Variants in LRRK2 observed in about 807,000 individuals in gnomAD.
LRRK2 encodes leucine rich repeat kinase 2.
In LRRK2, 203 loss-of-function variants were observed where a neutral mutation model predicts 302.6. The observed-to-expected ratio is 0.67, with a 90% CI of 0.60 to 0.75. LRRK2 has a LOEUF of 0.75. Among genes scored for constraint, LRRK2 ranks in the 30% least tolerant of loss-of-function variants. LRRK2 has a pLI of 0.00. For missense variants in LRRK2, 2,830 were observed against 2,951.0 expected, an observed-to-expected ratio of 0.96 and a Z score of 0.95; for synonymous variants, 1,066 against 1,031.9, an observed-to-expected ratio of 1.03 and a Z score of -0.63.
At chr12:40,344,293 C>A (rs1946131018) in intron 41 of LRRK2, among the ~76,000 whole-genome samples, 1 of 152,212 alleles carries the variant, frequency 6.6e-6, no homozygotes, top group East Asian at 1.9e-4. Flanking sequence ...ATATGCTGAA[C>A]ATTTAAATAG....
chr12:40,270,371 G>A (rs1187713484), intron 14 of LRRK2, among the ~76,000 whole-genome samples: 1 of 152,034 alleles, frequency 6.6e-6, no homozygotes, highest in African/African-American at 2.4e-5. Context: ...TTATTTGGAA[G>A]CAGTCTTCAT....
At chr12:40,309,815 A>G (rs1401127508) in intron 30 of LRRK2, among the ~76,000 whole-genome samples, 1 of 152,214 alleles carries the variant, frequency 6.6e-6, no homozygotes, top group Non-Finnish European at 1.5e-5. Context: ...TCTTCTGTGC[A>G]TAAAGTCCTT....
chr12:40,227,179 C>CT (rs1940938339), intron 2 of LRRK2, among the ~76,000 whole-genome samples: 1 of 151,944 alleles, frequency 6.6e-6, no homozygotes, highest in South Asian at 2.1e-4. Context: ...TAATTAATTA[C>CT]TTTTTTGGAT....
chr12:40,321,276 G>A (rs1170892950), intron 35 of LRRK2, 88 bp downstream of exon 35: 3 of 1,233,888 alleles, frequency 2.4e-6, no homozygotes, highest in Non-Finnish European at 3.4e-6. Context: ...GATGGCATAT[G>A]AAAAGTAATA....
chr12:40,264,984 G>A (rs747460040), intron 14 of LRRK2, among the ~76,000 whole-genome samples: 2 of 152,076 alleles, frequency 1.3e-5, no homozygotes, highest in African/African-American at 2.4e-5. Flanking sequence ...ATAATTAATG[G>A]AAATGATTCC....
Position 40,225,129 on chromosome 12 carries a change from A to G in LRRK2, c.-3A>G. The G allele has an allele frequency of 6.2e-7, 1 of 1,613,804 alleles. No homozygotes were observed. The highest frequency in any genetic ancestry group is 8.5e-7 in the Non-Finnish European group (1 of 1,179,982). On this transcript the variant is annotated 5_prime_UTR_variant, in exon 1 of 51. Transcript: ENST00000298910. ...GGGCGGCGGGTTGGAAGCAGGTGCC[A>G]CCATGGCTAGTGGCAGCTGTCAGGG...
At chr12:40,321,470 A>G (rs1280784142) in intron 35 of LRRK2, among the ~76,000 whole-genome samples, 1 of 151,572 alleles carries the variant, frequency 6.6e-6, no homozygotes, top group African/African-American at 2.4e-5. Context: ...AGGGACTGTA[A>G]TTATCTCTTT....
chr12:40,295,748 G>GACTTA, intron 23 of LRRK2, 104 bp downstream of exon 23: 1 of 1,097,156 alleles, frequency 9.1e-7, no homozygotes. Context: ...CTACTTTTGT[G>GACTTA]TCACTGGGTG....
intron 46 of LRRK2, among the ~76,000 whole-genome samples, chr12:40,356,517 G>A (rs1946544759): frequency 6.6e-6 from 1 of 152,088 alleles, no homozygotes; most frequent in African/African-American, 2.4e-5. Flanking sequence ...ATATACTTAA[G>A]TTTTAAATAT....
At chr12:40,364,192 T>C (rs1336126489) in intron 48 of LRRK2, among the ~76,000 whole-genome samples, 1 of 152,024 alleles carries the variant, frequency 6.6e-6, no homozygotes, top group Non-Finnish European at 1.5e-5. Flanking sequence ...CATTTTAGAT[T>C]ACACACTATA....
intron 18 of LRRK2, among the ~76,000 whole-genome samples, chr12:40,279,687 A>G (rs1223888099): frequency 1.3e-5 from 2 of 152,352 alleles, no homozygotes; most frequent in African/African-American, 4.8e-5. Flanking sequence ...CTTTCAATTT[A>G]TCCAAATCTT....
rs868622770 is a variant in LRRK2, at chr12:40,299,173, A to G, written c.3412A>G (p.Lys1138Glu). The G allele has an allele frequency of 1.9e-6, 3 of 1,613,620 alleles. No homozygotes were observed. The African/African-American group carries it at 4.0e-5, about 22-fold the overall frequency. ...LKELKILNLS[K>E]NHISSLSENF... is the part of the protein sequence containing the mutation. ...GGAACTGAAGATTTTAAACCTTAGT[A>G]AGAACCACATTTCATCCCTATCAGA... The change falls in exon 25 of 51, where the codon AAG (lysine) becomes GAG (glutamate). Residue 1138 changes from lysine to glutamate, a missense_variant. Transcript: ENST00000298910.
intron 2 of LRRK2, among the ~76,000 whole-genome samples, chr12:40,227,279 C>T (rs1357463287): frequency 1.3e-5 from 2 of 152,092 alleles, no homozygotes; most frequent in African/African-American, 4.8e-5. Flanking sequence ...ACTGGAATAT[C>T]CGTCACCTCG....
chr12:40,277,359 C>T (rs533997391), intron 16 of LRRK2, among the ~76,000 whole-genome samples: 4 of 152,264 alleles, frequency 2.6e-5, no homozygotes, highest in Non-Finnish European at 5.9e-5. Flanking sequence ...GCCCTCAGCG[C>T]TTCTCAACTA....
Position 40,313,968 on chromosome 12 carries a change from A to G in LRRK2, c.4537-4A>G, listed in dbSNP as rs1336113411. 1.2e-6 allele frequency: 2 copies of G among 1,609,784 alleles called. No individual in the cohort carries two copies. The highest frequency in any genetic ancestry group is 1.1e-5 in the South Asian group (1 of 90,964). ...TTTACGGCTTGTCATTTGTAATTTC[A>G]TAGATCCGAGATCAGCTTGTTGTTG... On this transcript the variant is annotated splice_region_variant and splice_polypyrimidine_tract_variant and intron_variant, in intron 31 of 50. Coordinates refer to ENST00000298910, the MANE Select transcript of LRRK2 (RefSeq NM_198578.4).
chr12:40,264,291 A>G (rs1425063465), intron 14 of LRRK2, among the ~76,000 whole-genome samples: 1 of 151,988 alleles, frequency 6.6e-6, no homozygotes, highest in Non-Finnish European at 1.5e-5. Flanking sequence ...GTCTCATAGT[A>G]TATGGTTTAG....
At chr12:40,280,973 C>T (rs1257543386) in intron 18 of LRRK2, among the ~76,000 whole-genome samples, 1 of 150,738 alleles carries the variant, frequency 6.6e-6, no homozygotes, top group African/African-American at 2.4e-5. Flanking sequence ...GAGGCTGAGG[C>T]AGGAGAATGG....
chr12:40,263,890 G>T lies in LRRK2; in HGVS notation c.1645G>T (p.Ala549Ser). Reference sequence around the variant, plus strand: ...TGATATTCACAAACTGGTCCTAGCAGCTTTGAACAGGGTATGTTGAATATA... The same window carrying T: ...TGATATTCACAAACTGGTCCTAGCATCTTTGAACAGGGTATGTTGAATATA... ...KNDIHKLVLA[A>S]LNRFIGNPGI... The change falls in exon 14 of 51, where the codon GCT becomes TCT. Residue 549 changes from alanine to serine, a missense_variant. Transcript: ENST00000298910. The T allele has an allele frequency of 6.2e-7, 1 of 1,605,508 alleles. No homozygotes were observed. The highest frequency in any genetic ancestry group is 8.5e-7 in the Non-Finnish European group (1 of 1,172,602).
In LRRK2 at chr12:40,315,306, T is replaced by C. The variant is rs550610903; in HGVS notation, c.4827+6T>C. 6.2e-7 allele frequency: 1 copy of C among 1,609,614 alleles called. No individual in the cohort carries two copies. The highest frequency in any genetic ancestry group is 8.5e-7 in the Non-Finnish European group (1 of 1,176,138). On this transcript the variant is annotated splice_donor_region_variant and intron_variant, in intron 33 of 50. Transcript: ENST00000298910. ...TTTGTAAAATCATGGCACAGGTTGG[T>C]GTCTTTTATTTTTGTGGCACGGGGG...
Sources: gnomAD v4.1 joint callset for allele counts (sites outside exome capture counted in the v4.1 genomes callset) on GRCh38, gnomAD v4.1.1 for gene constraint, MANE v1.5 for transcripts, NCBI Gene and HGNC (gene_info 2026-07-23, HGNC 2026-07-21) for gene names.